WNT9A: variants seen among roughly 807,000 people sequenced by gnomAD.
WNT9A encodes Wnt family member 9A, also known as protein Wnt-9a.
Under a neutral mutation model 31.4 loss-of-function variants are expected in WNT9A, and 8 were observed. The ratio of observed to expected loss-of-function variants is 0.26; its 90% confidence interval spans 0.15 to 0.46. The LOEUF (loss-of-function observed/expected upper bound fraction) is 0.46. Among genes scored for constraint, WNT9A ranks in the 20% least tolerant of loss-of-function variants. WNT9A has a pLI of 0.99. For synonymous variants in WNT9A, 236 were observed against 220.1 expected (o/e 1.07, Z -0.64); for missense variants, 457 against 522.9 (o/e 0.87, Z 1.23).
Position 227,921,941 on chromosome 1 carries a change from C to G in WNT9A, c.675G>C (p.Thr225=). The change falls in exon 4 of 4, where the codon ACG becomes ACC. Residue 225 remains threonine (T), a synonymous_variant. Coordinates refer to ENST00000272164, the MANE Select transcript of WNT9A (RefSeq NM_003395.4). ...CCAACTGCCGCCAGCAGGTCCGCAC[C>G]GTGCATGAGCCTGACACGCCGTGGC... The part of the protein sequence containing the change: ...CKCHGVSGSC[T]VRTCWRQLAP... 6.2e-7 allele frequency: 1 copy of G among 1,612,972 alleles called. No homozygotes were observed. The highest frequency in any genetic ancestry group is 8.5e-7 in the Non-Finnish European group (1 of 1,179,830).
In WNT9A at chr1:227,930,183, T is replaced by C. The variant is rs189897165; in HGVS notation, c.96-4664A>G. On this transcript the variant is annotated intron_variant, in intron 1 of 3. Transcript: ENST00000272164. ...AGCTGGGAACGTCGGATCCACACGC[T>C]CTGTGGCGTGTCACGTGGTCCATGA... Among the ~76,000 whole-genome samples the C allele has an allele frequency of 7.7e-4, 118 of 152,310 alleles. 1 individual carries two copies. In the East Asian group the frequency reaches 0.02, roughly 26 times the overall value.
chr1:227,921,891 T>C lies in WNT9A; in HGVS notation c.725A>G (p.His242Arg). Residue 242 changes from histidine (H) to arginine (R), a missense_variant, in exon 4 of 4, where the codon CAT (histidine) becomes CGT (arginine). His to Arg is a conservative substitution (Grantham distance 29). Transcript: ENST00000272164. Reference sequence around the variant, plus strand: ...TGCCGTCTCATACTTGTGCTTCAGATGCTTGCCCACCTCATGGAAAGGCGC... The same window carrying C: ...TGCCGTCTCATACTTGTGCTTCAGACGCTTGCCCACCTCATGGAAAGGCGC... Reference protein sequence around the residue: ...QLAPFHEVGKHLKHKYETALK... With the variant: ...QLAPFHEVGKRLKHKYETALK... The C allele has an allele frequency of 6.2e-7, 1 of 1,613,204 alleles. No homozygotes were observed. Among genetic ancestry groups the C allele is most frequent in the Non-Finnish European group, 8.5e-7 (1 of 1,179,930 alleles).
chr1:227,930,190 C>T (rs748815814), intron 1 of WNT9A, among the ~76,000 whole-genome samples: 28 of 152,210 alleles, frequency 1.8e-4, no homozygotes, highest in Non-Finnish European at 4.0e-4. Context: ...CGCTCTGTGG[C>T]GTGTCACGTG....
At chr1:227,939,989 G>A (rs1298161107) in intron 1 of WNT9A, among the ~76,000 whole-genome samples, 5 of 152,292 alleles carry the variant, frequency 3.3e-5, no homozygotes, top group African/African-American at 4.8e-5. Context: ...GGCACATGCC[G>A]CAAGGATGGC....
rs764739222 is a variant in WNT9A at position 227,921,533 on chromosome 1, G to A, written c.1083C>T (p.Tyr361=). 2.5e-6 allele frequency: 4 copies of A among 1,610,422 alleles called. No individual in the cohort carries two copies. The highest frequency in any genetic ancestry group is 2.5e-6 in the Non-Finnish European group (3 of 1,177,862). Reference sequence around the variant, plus strand: ...GCCTGGGAACTCAGCCCTTGCAGGTGTAGACCTCCTCACGCTGCGTGCACT... The same window carrying A: ...GCCTGGGAACTCAGCCCTTGCAGGTATAGACCTCCTCACGCTGCGTGCACT... ...CRQCTQREEV[Y]TCKG The change falls in exon 4 of 4, where the codon TAC becomes TAT. Residue 361 remains tyrosine, a synonymous_variant. Coordinates refer to ENST00000272164, the MANE Select transcript of WNT9A (RefSeq NM_003395.4).
intron 3 of WNT9A, 26 bp downstream of exon 3, chr1:227,924,109 TCCC>T: frequency 9.0e-7 from 1 of 1,105,510 alleles, no homozygotes; most frequent in Non-Finnish European, 1.2e-6. Flanking sequence ...GACCCTCCCT[TCCC>T]ACCCCGCCAG....
At chr1:227,932,975 T>C (rs954141559) in intron 1 of WNT9A, among the ~76,000 whole-genome samples, 1 of 152,248 alleles carries the variant, frequency 6.6e-6, no homozygotes, top group East Asian at 1.9e-4. Context: ...TGAATGGGCA[T>C]TGGCTTTAAC....
chr1:227,919,774 G>A lies in WNT9A; in HGVS notation c.*1744C>T, dbSNP rs188671279. 1.8e-3 allele frequency: 259 copies of A among 147,482 alleles called. 1 individual carries two copies. The highest frequency in any genetic ancestry group is 2.5e-3 in the Non-Finnish European group (167 of 67,112). 9.1% of individuals were successfully genotyped at this position (147,482 alleles called of 1,614,324 possible). A position where few individuals can be genotyped will look rare whatever the true frequency, so the allele number is the denominator to read the frequency against. Reference sequence around the variant, plus strand: ...ACACACGCTTACACACATTGACCACGCCAGCACACACGCACTCACAACACT... The same window carrying A: ...ACACACGCTTACACACATTGACCACACCAGCACACACGCACTCACAACACT... On this transcript the variant is annotated 3_prime_UTR_variant, in exon 4 of 4. Transcript: ENST00000272164.
At chr1:227,936,812 C>T (rs577435499) in intron 1 of WNT9A, among the ~76,000 whole-genome samples, 6 of 152,194 alleles carry the variant, frequency 3.9e-5, no homozygotes, top group South Asian at 2.1e-4. Context: ...TCTAATGTGT[C>T]ATGTTCCAGG....
Position 227,928,698 on chromosome 1 carries a change from C to T in WNT9A, c.96-3179G>A, listed in dbSNP as rs1016995509. On this transcript the variant is annotated intron_variant, in intron 1 of 3. Transcript: ENST00000272164. This position sits in a 1 kb window ranked among gnomAD's most constrained non-coding sequence, Gnocchi z 4.5. ...AGAGCCTGGGCCCAGCAGAGGGGGCCCAGACCCTCCTGACAGGCAGGGCTT... is the reference window on the plus strand; with the variant it reads ...AGAGCCTGGGCCCAGCAGAGGGGGCTCAGACCCTCCTGACAGGCAGGGCTT... Among the ~76,000 whole-genome samples the T allele has an allele frequency of 8.5e-5, 13 of 152,086 alleles. No individual in the cohort carries two copies. Among genetic ancestry groups the T allele is most frequent in the African/African-American group, 3.1e-4 (13 of 41,408 alleles).
chr1:227,927,438 G>A lies in WNT9A; in HGVS notation c.96-1919C>T, dbSNP rs140380723. On this transcript the variant is annotated intron_variant, in intron 1 of 3. Coordinates refer to ENST00000272164, the MANE Select transcript of WNT9A (RefSeq NM_003395.4). ...CCGTGGGCTGAGGTTGGAAGAGGCCGCCTGGGTGAGGGAAGGAAGGGCAGT... is the reference window on the plus strand; with the variant it reads ...CCGTGGGCTGAGGTTGGAAGAGGCCACCTGGGTGAGGGAAGGAAGGGCAGT... Among the ~76,000 whole-genome samples, 6 of 152,290 alleles carry A rather than the reference G, an allele frequency of 3.9e-5. No individual in the cohort carries two copies. In the East Asian group the frequency reaches 7.7e-4, roughly 20 times the overall value.
chr1:227,945,268 T>C (rs1317539759), intron 1 of WNT9A, among the ~76,000 whole-genome samples: 1 of 152,068 alleles, frequency 6.6e-6, no homozygotes, highest in East Asian at 1.9e-4. Context: ...TGCTTACCCC[T>C]CTGTCTAGAA....
At chr1:227,944,289 C>T (rs141398255) in intron 1 of WNT9A, among the ~76,000 whole-genome samples, 71 of 152,298 alleles carry the variant, frequency 4.7e-4, no homozygotes, top group Non-Finnish European at 6.3e-4. Flanking sequence ...CATAGGATTC[C>T]ATTTCTAGGA....
At chr1:227,927,965 G>T (rs911102290) in intron 1 of WNT9A, among the ~76,000 whole-genome samples, 6 of 151,866 alleles carry the variant, frequency 4.0e-5, no homozygotes, top group African/African-American at 1.5e-4. Flanking sequence ...ACAAGGGGAG[G>T]AGGGTGAAGG....
At chr1:227,932,016 C>T (rs760551898) in intron 1 of WNT9A, among the ~76,000 whole-genome samples, 68 of 152,172 alleles carry the variant, frequency 4.5e-4, no homozygotes, top group Non-Finnish European at 8.8e-4. Context: ...CCATCACGCC[C>T]AGCCGGAAAT....
chr1:227,930,057 C>G (rs929382534), intron 1 of WNT9A, among the ~76,000 whole-genome samples: 1 of 152,208 alleles, frequency 6.6e-6, no homozygotes, highest in African/African-American at 2.4e-5. Flanking sequence ...CAGATATAAT[C>G]ACATCTTTCT....
intron 1 of WNT9A, among the ~76,000 whole-genome samples, chr1:227,933,524 T>C (rs1572130382): frequency 6.6e-6 from 1 of 152,370 alleles, no homozygotes; most frequent in Middle Eastern, 3.4e-3. Context: ...CTTGGCTAAC[T>C]GAGGCCCAGC....
intron 1 of WNT9A, among the ~76,000 whole-genome samples, chr1:227,944,718 G>GCTTCCAGGCAGT (rs1666768113): frequency 6.6e-6 from 1 of 152,238 alleles, no homozygotes; most frequent in South Asian, 2.1e-4. Flanking sequence ...TTCCAGGCAG[G>GCTTCCAGGCAGT]CCTCCAGGCT....
chr1:227,925,764 C>T lies in WNT9A; in HGVS notation c.96-245G>A, dbSNP rs1666411846. Among the ~76,000 whole-genome samples the T allele has an allele frequency of 1.3e-5, 2 of 152,176 alleles. No individual in the cohort carries two copies. The highest frequency in any genetic ancestry group is 2.4e-5 in the African/African-American group (1 of 41,504). On this transcript the variant is annotated intron_variant, in intron 1 of 3. Transcript: ENST00000272164. This position sits in a 1 kb window ranked among gnomAD's most constrained non-coding sequence, Gnocchi z 6.0. ...CACAGGGCTGTCTCTGCTGCCGACT[C>T]GACCCCCACAGTTTCAGGGAGTCTA...
Sources: allele counts gnomAD v4.1 joint callset (sites outside exome capture counted in the v4.1 genomes callset), GRCh38; gene constraint gnomAD v4.1.1; non-coding constraint Gnocchi (gnomAD v3.1); transcripts MANE v1.5; gene names NCBI Gene and HGNC (gene_info 2026-07-23, HGNC 2026-07-21).